Variants in MBTD1 observed in about 807,000 individuals in gnomAD.
MBTD1 encodes the protein MBT domain-containing protein 1.
A neutral mutation model predicts 87.8 loss-of-function variants in MBTD1; 24 were observed. That is an observed-to-expected ratio of 0.27 (90% confidence interval 0.20 to 0.38). The LOEUF (loss-of-function observed/expected upper bound fraction) is 0.38, where lower values mean the gene tolerates loss of function less well. Among genes scored for constraint, MBTD1 ranks in the 10% least tolerant of loss-of-function variants. The pLI is 1.00. For missense variants in MBTD1, 436 were observed against 760.2 expected (o/e 0.57, Z 5.02); for synonymous variants, 237 against 248.6 (o/e 0.95, Z 0.44).
chr17:51,216,923 G>C (rs2052602367), intron 6 of MBTD1, among the ~76,000 whole-genome samples: 1 of 152,120 alleles, frequency 6.6e-6, no homozygotes, highest in South Asian at 2.1e-4. Context: ...TGATGAGGCT[G>C]GGTATGGTGG....
In MBTD1 at chr17:51,193,410, G is replaced by A. The variant is rs1568154450; in HGVS notation, c.1455+18C>T. 1 of 1,560,736 alleles carries A rather than the reference G, an allele frequency of 6.4e-7. No homozygotes were observed. The highest frequency in any genetic ancestry group is 8.8e-7 in the Non-Finnish European group (1 of 1,135,370). On this transcript the variant is annotated intron_variant, in intron 14 of 16. Coordinates refer to ENST00000586178, the MANE Select transcript of MBTD1 (RefSeq NM_017643.3). The stretch of plus-strand genomic sequence containing the variant: ...CATTAATAAGTCCTCACATAATTAT[G>A]CTGCCATTTAAATTTACCTTATTAA...
In MBTD1 at chr17:51,218,835, G is replaced by A. The variant is rs868332842; in HGVS notation, c.403+95C>T. 9.4e-6 allele frequency: 7 copies of A among 741,220 alleles called. No individual in the cohort carries two copies. The Middle Eastern group carries it at 1.7e-3, about 180-fold the overall frequency. The allele number at this position is 741,220 out of a possible 1,614,324, so 45.9% of individuals were successfully genotyped here. On this transcript the variant is annotated intron_variant, in intron 5 of 16. Transcript: ENST00000586178. ...AATGTGCTGACAGGACATAGAAACA[G>A]CTAGTTAAACAGAATTCAAAATTAC...
intron 2 of MBTD1, among the ~76,000 whole-genome samples, chr17:51,229,481 T>G (rs914068547): frequency 5.9e-5 from 9 of 152,302 alleles, no homozygotes; most frequent in Non-Finnish European, 1.0e-4. Context: ...TTGTCAGGTA[T>G]TAAACATTTG....
At chr17:51,247,691 C>G (rs1395026516) in intron 2 of MBTD1, among the ~76,000 whole-genome samples, 1 of 152,170 alleles carries the variant, frequency 6.6e-6, no homozygotes, top group Admixed American at 6.5e-5. Context: ...GTCAAGTGAT[C>G]CTCCTACCTT....
intron 2 of MBTD1, chr17:51,251,338 C>CCATGTTTCCAAGTCTTCACTGA (rs760337861): frequency 3.3e-5 from 5 of 152,090 alleles, no homozygotes; most frequent in Non-Finnish European, 7.3e-5. Flanking sequence ...TTCTTCACTG[C>CCATGTTTCCAAGTCTTCACTGA]CATGTTTCCA....
rs375683131 is a variant in MBTD1 at position 51,218,741 on chromosome 17, T to C, written c.403+189A>G. On this transcript the variant is annotated intron_variant, in intron 5 of 16. Coordinates refer to ENST00000586178, the MANE Select transcript of MBTD1 (RefSeq NM_017643.3). ...AGACTGCCAAAAGCACTTGAACTTATGCATGCAACTATACTCTTCTAGAGT... is the reference window on the plus strand; with the variant it reads ...AGACTGCCAAAAGCACTTGAACTTACGCATGCAACTATACTCTTCTAGAGT... Among the ~76,000 whole-genome samples the C allele has an allele frequency of 3.9e-5, 6 of 152,258 alleles. No individual in the cohort carries two copies. In the South Asian group the frequency reaches 1.0e-3, roughly 26 times the overall value.
At chr17:51,190,750 AATAT>A (rs1555677186) in intron 16 of MBTD1, among the ~76,000 whole-genome samples, 7 of 39,710 alleles carry the variant, frequency 1.8e-4, no homozygotes, top group African/African-American at 9.1e-4. Context: ...AAAAAAAAAA[AATAT>A]ATATATATAT....
At chr17:51,219,589 T>C (rs1160945682) in intron 4 of MBTD1, among the ~76,000 whole-genome samples, 3 of 152,172 alleles carry the variant, frequency 2.0e-5, no homozygotes, top group Admixed American at 6.5e-5. Flanking sequence ...CTATCTGAAA[T>C]ATAGAAATAC....
intron 2 of MBTD1, among the ~76,000 whole-genome samples, chr17:51,236,026 T>C (rs1292633213): frequency 6.6e-6 from 1 of 152,060 alleles, no homozygotes; most frequent in Non-Finnish European, 1.5e-5. Context: ...TATATGTATG[T>C]CTATTTATGG....
chr17:51,192,265 TG>T lies in MBTD1; in HGVS notation c.1705del (p.Gln569AsnfsTer22). On this transcript the variant is annotated frameshift_variant, in exon 16 of 17. Transcript: ENST00000586178. LOFTEE classifies it high-confidence loss of function. Reference sequence around the variant, plus strand: ...TTTCTTCTGTTTTGATGAAGCTGATTGGTTTTCTCTTGATGCTGAAAAATAA... The same window carrying T: ...TTTCTTCTGTTTTGATGAAGCTGATTGTTTTCTCTTGATGCTGAAAAATAA... ...PPASQSSRENQSASSKQKKKA... is the reference protein window; with the variant it reads ...PPASQSSRENXSASSKQKKKA... The T allele has an allele frequency of 6.4e-7, 1 of 1,551,054 alleles. No homozygotes were observed. Among genetic ancestry groups the T allele is most frequent in the Non-Finnish European group, 8.7e-7 (1 of 1,146,648 alleles).
chr17:51,234,840 T>A (rs1395378361), intron 2 of MBTD1, among the ~76,000 whole-genome samples: 1 of 152,130 alleles, frequency 6.6e-6, no homozygotes, highest in Non-Finnish European at 1.5e-5. Flanking sequence ...ATTACAGGCA[T>A]ATACCACCAC....
intron 6 of MBTD1, among the ~76,000 whole-genome samples, chr17:51,214,671 G>A (rs1384021649): frequency 7.9e-5 from 12 of 152,072 alleles, no homozygotes; most frequent in Non-Finnish European, 1.8e-4. Flanking sequence ...GTTACATGCT[G>A]GGTGTTCTTT....
rs35262428 is a variant in MBTD1, at chr17:51,192,855, A to G, written c.1617T>C (p.Cys539=). 4,958 of 1,614,206 alleles carry G rather than the reference A, an allele frequency of 3.1e-3. 20 individuals carry two copies. Among genetic ancestry groups the G allele is most frequent in the Non-Finnish European group, 4.0e-3 (4,705 of 1,180,018 alleles). The change falls in exon 15 of 17, where the codon TGT becomes TGC. Residue 539 remains cysteine, a synonymous_variant. Coordinates refer to ENST00000586178, the MANE Select transcript of MBTD1 (RefSeq NM_017643.3). ...CTACAGGATAGAGGTCAGGTGACTC[A>G]CAGTCTACCCACTGATCATACTCTT... is the stretch of plus-strand genomic sequence containing the variant. ...WEEEYDQWVD[C]ESPDLYPVGW... is the part of the protein sequence containing the mutation.
chr17:51,200,638 T>C (rs893203180), intron 12 of MBTD1, among the ~76,000 whole-genome samples: 8 of 137,574 alleles, frequency 5.8e-5, no homozygotes, highest in Non-Finnish European at 1.1e-4. Context: ...CTGAGGCAGG[T>C]GGGTTACTTG....
chr17:51,241,270 G>A (rs146106445), intron 2 of MBTD1, among the ~76,000 whole-genome samples: 3 of 152,186 alleles, frequency 2.0e-5, no homozygotes, highest in African/African-American at 7.2e-5. Context: ...TGCTGCACCT[G>A]GCTGGTGTTA....
intron 6 of MBTD1, among the ~76,000 whole-genome samples, chr17:51,209,936 C>T (rs980679549): frequency 1.3e-5 from 2 of 152,154 alleles, no homozygotes; most frequent in East Asian, 1.9e-4. Flanking sequence ...TTCCTAACTA[C>T]TTACAGAATT....
Position 51,179,492 on chromosome 17 carries a change from A to ATATATTTT in MBTD1, c.*1083_*1084insAAAATATA, listed in dbSNP as rs2050210269. ...TACAATTAAAGACAATTTTATATATATATATATATATATATATATATATAT... is the reference window on the plus strand; with the variant it reads ...TACAATTAAAGACAATTTTATATATATATATTTTTATATATATATATATATATATATAT... On this transcript the variant is annotated 3_prime_UTR_variant, in exon 17 of 17. Coordinates refer to ENST00000586178, the MANE Select transcript of MBTD1 (RefSeq NM_017643.3). 9.7e-5 allele frequency: 3 copies of ATATATTTT among 30,972 alleles called. No homozygotes were observed. The highest frequency in any genetic ancestry group is 0.011 in the Middle Eastern group (1 of 92). The allele number at this position is 30,972 out of a possible 1,614,324, so 1.9% of individuals were successfully genotyped here.
At chr17:51,209,055 T>G (rs955907135) in intron 6 of MBTD1, among the ~76,000 whole-genome samples, 1 of 152,152 alleles carries the variant, frequency 6.6e-6, no homozygotes, top group Non-Finnish European at 1.5e-5. Context: ...AACAAAAACA[T>G]CAACAAGAAA....
intron 1 of MBTD1, 130 bp downstream of exon 1, chr17:51,259,705 G>A (rs2055349362): frequency 2.3e-6 from 2 of 859,980 alleles, no homozygotes; most frequent in South Asian, 1.2e-4. Flanking sequence ...GGCTCCGGAG[G>A]TTGAGAGGGC....
Sources: gnomAD v4.1 joint callset for allele counts (sites outside exome capture counted in the v4.1 genomes callset) on GRCh38, gnomAD v4.1.1 for gene constraint, MANE v1.5 for transcripts, NCBI Gene and HGNC (gene_info 2026-07-23, HGNC 2026-07-21) for gene names.